ELMO1: variants seen among roughly 807,000 people sequenced by gnomAD.
The protein encoded by ELMO1 is engulfment and cell motility 1.
In ELMO1, 26 loss-of-function variants were observed where a neutral mutation model predicts 98.9. The ratio of observed to expected loss-of-function variants is 0.26; its 90% CI spans 0.19 to 0.36. The LOEUF (loss-of-function observed/expected upper bound fraction) is 0.36, where lower values mean the gene tolerates loss of function less well. Ranked by LOEUF, ELMO1 falls within the 10% of genes least tolerant of loss-of-function variation. ELMO1 has a pLI of 1.00. For synonymous variants in ELMO1, 346 were observed against 346.0 expected (o/e 1.00, Z 0.00); for missense variants, 627 against 935.2 (o/e 0.67, Z 4.30).
intron 6 of ELMO1, among the ~76,000 whole-genome samples, chr7:37,245,525 AT>A (rs1478559167): frequency 6.6e-6 from 1 of 152,138 alleles, no homozygotes; most frequent in Non-Finnish European, 1.5e-5. Flanking sequence ...ATAAAGAGAT[AT>A]TTTTATTCCT....
chr7:37,171,483 ATTTTTTTTT>A lies in ELMO1; in HGVS notation c.1087-38258_1087-38250del, dbSNP rs71780142. On this transcript the variant is annotated intron_variant, in intron 13 of 21. Transcript: ENST00000310758. ...TTTATTCTTGTAACCAGGCCTTTCT[ATTTTTTTTT>A]TTTTTTTTTTTTTTTTTTGAGACAG... Among the ~76,000 whole-genome samples the A allele has an allele frequency of 5.7e-4, 47 of 82,942 alleles. 2 individuals carry two copies. Among genetic ancestry groups the A allele is most frequent in the East Asian group, 9.4e-4 (2 of 2,130 alleles). 54.4% of individuals were successfully genotyped at this position (82,942 alleles called of 152,430 possible).
At chr7:37,151,709 G>C (rs138625549) in intron 13 of ELMO1, among the ~76,000 whole-genome samples, 72 of 152,252 alleles carry the variant, frequency 4.7e-4, no homozygotes, top group African/African-American at 1.7e-3. Context: ...CCAGAGCTGA[G>C]GATAAAAAGA....
intron 1 of ELMO1, among the ~76,000 whole-genome samples, chr7:37,428,212 C>T (rs561824827): frequency 5.1e-4 from 77 of 151,730 alleles, no homozygotes; most frequent in African/African-American, 1.9e-3. Flanking sequence ...CAAAACAGTT[C>T]ATAAAAAATA....
At chr7:37,281,427 C>A in intron 4 of ELMO1, among the ~76,000 whole-genome samples, 1 of 152,266 alleles carries the variant, frequency 6.6e-6, no homozygotes, top group South Asian at 2.1e-4. Context: ...CAATACCCCC[C>A]ACAAACAGGG....
intron 2 of ELMO1, among the ~76,000 whole-genome samples, chr7:37,327,867 A>C (rs1799900225): frequency 6.6e-6 from 1 of 152,224 alleles, no homozygotes; most frequent in Non-Finnish European, 1.5e-5. Context: ...TAAACTATGC[A>C]AACAATAATG....
chr7:37,406,564 G>T (rs1011878328), intron 1 of ELMO1, among the ~76,000 whole-genome samples: 3 of 151,820 alleles, frequency 2.0e-5, no homozygotes, highest in African/African-American at 7.3e-5. Flanking sequence ...CAAGCAGCTG[G>T]GACTACAGGC....
At chr7:37,060,878 G>A (rs188509766) in intron 15 of ELMO1, among the ~76,000 whole-genome samples, 19 of 152,186 alleles carry the variant, frequency 1.2e-4, no homozygotes, top group African/African-American at 4.6e-4. Context: ...GAGGAGGGAG[G>A]CACAGAGGGG....
intron 17 of ELMO1, among the ~76,000 whole-genome samples, chr7:36,893,211 T>C (rs552135920): frequency 9.8e-5 from 15 of 152,344 alleles, no homozygotes; most frequent in Admixed American, 5.9e-4. Flanking sequence ...TTTATACATC[T>C]GCTGAACCAT....
At chr7:37,077,065 C>A (rs1366078381) in intron 15 of ELMO1, among the ~76,000 whole-genome samples, 1 of 152,202 alleles carries the variant, frequency 6.6e-6, no homozygotes, top group Non-Finnish European at 1.5e-5. Flanking sequence ...CCACTAGCTG[C>A]CCCGCTCCAA....
At chr7:36,978,061 T>C (rs991751251) in intron 16 of ELMO1, among the ~76,000 whole-genome samples, 10 of 152,200 alleles carry the variant, frequency 6.6e-5, no homozygotes, top group Admixed American at 2.6e-4. Context: ...TGATACAGGG[T>C]TGGCATTCAG....
intron 1 of ELMO1, among the ~76,000 whole-genome samples, chr7:37,437,008 A>G (rs930760266): frequency 6.6e-6 from 1 of 152,240 alleles, no homozygotes; most frequent in Non-Finnish European, 1.5e-5. Flanking sequence ...CTGCCAATGA[A>G]CATTTCAACA....
chr7:37,113,812 G>A (rs528370324), intron 14 of ELMO1, among the ~76,000 whole-genome samples: 88 of 152,336 alleles, frequency 5.8e-4, no homozygotes, highest in Non-Finnish European at 1.0e-3. Context: ...CCAACAGGGT[G>A]TGAGTGCACA....
At chr7:37,392,442 G>C (rs1803121122) in intron 1 of ELMO1, among the ~76,000 whole-genome samples, 1 of 152,200 alleles carries the variant, frequency 6.6e-6, no homozygotes, top group South Asian at 2.1e-4. Flanking sequence ...AGAACTTGGT[G>C]ACAACCTAGC....
intron 13 of ELMO1, among the ~76,000 whole-genome samples, chr7:37,158,140 T>C (rs915415779): frequency 2.0e-5 from 3 of 152,168 alleles, no homozygotes; most frequent in African/African-American, 7.2e-5. Context: ...CCTTACACCT[T>C]ATACAAAAAT....
chr7:37,012,437 A>T (rs1793625289), intron 16 of ELMO1, among the ~76,000 whole-genome samples: 1 of 152,250 alleles, frequency 6.6e-6, no homozygotes, highest in Non-Finnish European at 1.5e-5. Flanking sequence ...TTACAGTCAC[A>T]GCCCTTAGTG....
At chr7:36,890,320 CAGA>C (rs1805441974) in intron 17 of ELMO1, among the ~76,000 whole-genome samples, 1 of 152,230 alleles carries the variant, frequency 6.6e-6, no homozygotes. Context: ...CTGCCATGCA[CAGA>C]AGACAGACAG....
At chr7:36,871,049 G>A (rs1241851740) in intron 19 of ELMO1, among the ~76,000 whole-genome samples, 3 of 152,108 alleles carry the variant, frequency 2.0e-5, no homozygotes, top group Non-Finnish European at 4.4e-5. Flanking sequence ...TATAAAGCAG[G>A]TTTTATTATC....
At chr7:37,018,012 G>A (rs1794043401) in intron 15 of ELMO1, among the ~76,000 whole-genome samples, 1 of 152,122 alleles carries the variant, frequency 6.6e-6, no homozygotes, top group South Asian at 2.1e-4. Context: ...TTCCTCATCT[G>A]TGAAATATAT....
At chr7:37,369,390 T>A (rs773444804) in intron 1 of ELMO1, among the ~76,000 whole-genome samples, 8 of 152,182 alleles carry the variant, frequency 5.3e-5, no homozygotes, top group Non-Finnish European at 1.2e-4. Context: ...TTGAGTGTCA[T>A]GTCGGCACTC....
Sources: allele counts gnomAD v4.1 joint callset (sites outside exome capture counted in the v4.1 genomes callset), GRCh38; gene constraint gnomAD v4.1.1; transcripts MANE v1.5; gene names NCBI Gene and HGNC (gene_info 2026-07-23, HGNC 2026-07-21).